ISLR2: variants seen among roughly 807,000 people sequenced by gnomAD.
ISLR2 encodes immunoglobulin superfamily containing leucine rich repeat 2, also known as immunoglobulin superfamily containing leucine-rich repeat protein 2.
ISLR2 carries 16 observed loss-of-function variants against 25.5 expected under a neutral mutation model. The ratio of observed to expected loss-of-function variants is 0.63; its 90% confidence interval spans 0.43 to 0.95. The LOEUF (loss-of-function observed/expected upper bound fraction) is 0.95. Among genes scored for constraint, ISLR2 ranks in the 40% least tolerant of loss-of-function variants. The probability of loss-of-function intolerance (pLI) is 0.00; values close to 1 mark genes in which losing one functional copy is unlikely to be tolerated. For missense variants in ISLR2, 883 were observed against 1,030.7 expected, an observed-to-expected ratio of 0.86 and a Z score of 1.96; for synonymous variants, 508 against 486.6, an observed-to-expected ratio of 1.04 and a Z score of -0.58.
At chr15:74,115,763 G>C (rs1188002081) in intron 2 of ISLR2, among the ~76,000 whole-genome samples, 1 of 151,960 alleles carries the variant, frequency 6.6e-6, no homozygotes, top group Non-Finnish European at 1.5e-5. Flanking sequence ...AATGGAAATA[G>C]GCCCAGAAAT....
At position 74,133,867 on chromosome 15, in the gene ISLR2, G is replaced by C. The variant is rs1217471512; in HGVS notation, c.1113G>C (p.Ala371=). 3 of 1,612,032 alleles carry C rather than the reference G, an allele frequency of 1.9e-6. No individual in the cohort carries two copies. The South Asian group carries it at 3.3e-5, about 18-fold the overall frequency. Reference sequence around the variant, plus strand: ...CCAACTCTACGTCAATACGCGTGGCGGTGGCAGCAACCGGGCCCCCAAAAC... The same window carrying C: ...CCAACTCTACGTCAATACGCGTGGCCGTGGCAGCAACCGGGCCCCCAAAAC... ...LGANSTSIRV[A]VAATGPPKHA... Residue 371 remains alanine, a synonymous_variant, in exon 3 of 3, where the codon GCG becomes GCC. Transcript: ENST00000453268.
chr15:74,126,474 G>C (rs907177167), upstream of ISLR2: 3 of 150,046 alleles, frequency 2.0e-5, no homozygotes, highest in East Asian at 3.9e-4. Flanking sequence ...AGCCTCCTGA[G>C]TAGCTGGGAT....
intron 2 of ISLR2, among the ~76,000 whole-genome samples, chr15:74,117,447 G>A (rs1462649235): frequency 6.6e-6 from 1 of 152,104 alleles, no homozygotes; most frequent in Non-Finnish European, 1.5e-5. Context: ...TTGGGAGGTT[G>A]CAGCAGGAGG....
intron 2 of ISLR2, among the ~76,000 whole-genome samples, chr15:74,110,201 C>G (rs533985918): frequency 2.0e-5 from 3 of 152,326 alleles, no homozygotes; most frequent in African/African-American, 7.2e-5. Context: ...CAGCTCAAAT[C>G]AAACATAGTG....
downstream of ISLR2, among the ~76,000 whole-genome samples, chr15:74,140,919 A>C (rs762399131): frequency 2.0e-5 from 3 of 152,236 alleles, no homozygotes; most frequent in South Asian, 2.1e-4. Context: ...GAAGAGATTA[A>C]ATTTTAAAAT....
chr15:74,110,694 C>A (rs1414043579), intron 2 of ISLR2, among the ~76,000 whole-genome samples: 1 of 151,170 alleles, frequency 6.6e-6, no homozygotes, highest in Non-Finnish European at 1.5e-5. Flanking sequence ...TGGTGTCTCT[C>A]ACCTGTAATC....
Position 74,134,570 on chromosome 15 carries a change from G to A in ISLR2, c.1816G>A (p.Val606Met), listed in dbSNP as rs1289046938. Residue 606 changes from valine to methionine, a missense_variant, in exon 3 of 3, where the codon GTG becomes ATG. Physicochemically the swap from Val to Met is conservative, Grantham distance 21. This residue lies in a region of ISLR2 where 612 missense variants were observed against 642.8 expected (regional missense o/e 0.95). Coordinates refer to ENST00000453268, the MANE Select transcript of ISLR2 (RefSeq NM_020851.3). ...CGTATTCCTCCTGGTGCTGGCCACA[G>A]TGCCCCTTCTGGGCGCCGCCTGCTG... is the stretch of plus-strand genomic sequence containing the variant. ...VSVFLLVLAT[V>M]PLLGAACCHL... 6.2e-7 allele frequency: 1 copy of A among 1,614,154 alleles called. No homozygotes were observed. Among genetic ancestry groups the A allele is most frequent in the South Asian group, 1.1e-5 (1 of 91,090 alleles).
intron 2 of ISLR2, among the ~76,000 whole-genome samples, chr15:74,114,504 T>C (rs1157461667): frequency 6.6e-6 from 1 of 151,828 alleles, no homozygotes; most frequent in Non-Finnish European, 1.5e-5. Context: ...ACACCTGTAA[T>C]CCCAGCACTT....
upstream of ISLR2, chr15:74,130,519 A>G (rs1595945595): frequency 1.3e-5 from 2 of 152,662 alleles, no homozygotes; most frequent in East Asian, 1.9e-4. Context: ...CCTTCCCCCA[A>G]ATTCCTCAAA....
chr15:74,108,406 G>A (rs8039353), intron 2 of ISLR2, among the ~76,000 whole-genome samples: 2,449 of 152,210 alleles, frequency 0.016, 54 homozygotes, highest in African/African-American at 0.055. Context: ...GCAGCTGGGG[G>A]CACCAGGATA....
upstream of ISLR2, chr15:74,129,118 C>A (rs916603061): frequency 2.2e-6 from 1 of 452,758 alleles, no homozygotes; most frequent in Non-Finnish European, 4.4e-6. This position sits in a 1 kb window ranked among gnomAD's most constrained non-coding sequence, Gnocchi z 4.5. Context: ...ACTCCAGGCC[C>A]GAGCAGGCGG....
At chr15:74,107,825 G>A (rs1423851884) in intron 2 of ISLR2, among the ~76,000 whole-genome samples, 7 of 152,308 alleles carry the variant, frequency 4.6e-5, no homozygotes, top group Middle Eastern at 3.4e-3. Context: ...CAGGGAGGTC[G>A]TGGCCAGGCC....
In ISLR2 at chr15:74,134,287, T is replaced by TGGGCCCGGCGGGGCTGGCGG; in HGVS notation, c.1534_1553dup (p.Ala519GlyfsTer35). On this transcript the variant is annotated frameshift_variant, in exon 3 of 3. Transcript: ENST00000453268. LOFTEE classifies it high-confidence loss of function. Reference sequence around the variant, plus strand: ...CTCCGCTGGCTGCGCGCTGGGGCCCTGGGCCCGGCGGGGCTGGCGGAGCCC... The same window carrying TGGGCCCGGCGGGGCTGGCGG: ...CTCCGCTGGCTGCGCGCTGGGGCCCTGGGCCCGGCGGGGCTGGCGGGGGCCCGGCGGGGCTGGCGGAGCCC... 1 of 1,547,000 alleles carries TGGGCCCGGCGGGGCTGGCGG rather than the reference T, an allele frequency of 6.5e-7. No homozygotes were observed. The highest frequency in any genetic ancestry group is 8.7e-7 in the Non-Finnish European group (1 of 1,146,016).
At chr15:74,137,769 C>T (rs1279788493), downstream of ISLR2, among the ~76,000 whole-genome samples, 1 of 152,092 alleles carries the variant, frequency 6.6e-6, no homozygotes, top group Non-Finnish European at 1.5e-5. Flanking sequence ...TCCTCTTTTG[C>T]TGTCTCTGTG....
At chr15:74,137,439 C>A (rs1376203875), downstream of ISLR2, among the ~76,000 whole-genome samples, 2 of 152,166 alleles carry the variant, frequency 1.3e-5, no homozygotes, top group Non-Finnish European at 2.9e-5. Context: ...GGGTGGGGAG[C>A]ACTCAGTGAA....
At chr15:74,112,976 T>C (rs1234428180) in intron 2 of ISLR2, among the ~76,000 whole-genome samples, 6 of 152,140 alleles carry the variant, frequency 3.9e-5, no homozygotes, top group Non-Finnish European at 1.5e-5. Flanking sequence ...CACAGGCACA[T>C]GCCACCAGCA....
In ISLR2 at chr15:74,136,540, G is replaced by C. The variant is rs1026052824; in HGVS notation, c.*1548G>C. On this transcript the variant is annotated 3_prime_UTR_variant, in exon 3 of 3. Coordinates refer to ENST00000453268, the MANE Select transcript of ISLR2 (RefSeq NM_020851.3). Reference sequence around the variant, plus strand: ...AGTCTGTGTCCTGTGAAGTGTGACCGTGTAGTGTAGGGGGGCGGGCGGGGG... The same window carrying C: ...AGTCTGTGTCCTGTGAAGTGTGACCCTGTAGTGTAGGGGGGCGGGCGGGGG... 1.3e-5 allele frequency: 2 copies of C among 153,670 alleles called. No homozygotes were observed. Among genetic ancestry groups the C allele is most frequent in the African/African-American group, 5.0e-5 (2 of 39,798 alleles). The allele number at this position is 153,670 out of a possible 1,614,324, so 9.5% of individuals were successfully genotyped here. A position where few individuals can be genotyped will look rare whatever the true frequency, so the allele number is the denominator to read the frequency against.
At chr15:74,113,440 C>T (rs1256418265) in intron 2 of ISLR2, among the ~76,000 whole-genome samples, 1 of 152,168 alleles carries the variant, frequency 6.6e-6, no homozygotes, top group East Asian at 1.9e-4. Flanking sequence ...CATGAGCCAC[C>T]ATGCACGGTG....
chr15:74,126,894 ATTTGTGTG>A (rs1567158179), upstream of ISLR2: 2 of 113,334 alleles, frequency 1.8e-5, no homozygotes, highest in African/African-American at 7.0e-5. Context: ...TGGAGAGAAC[ATTTGTGTG>A]TGTGTGTGTG....
Sources: gnomAD v4.1 joint callset for allele counts (sites outside exome capture counted in the v4.1 genomes callset) on GRCh38, gnomAD v4.1.1 for gene constraint, gnomAD v4.1.1 regional missense constraint, Gnocchi (gnomAD v3.1) non-coding constraint, MANE v1.5 for transcripts, NCBI Gene and HGNC (gene_info 2026-07-23, HGNC 2026-07-21) for gene names.